PHF24: variants seen among roughly 807,000 people sequenced by gnomAD.
PHF24 encodes the protein Galpha inhibitory interacting protein.
PHF24 carries 25 observed loss-of-function variants against 42.6 expected under a neutral mutation model. The ratio of observed to expected loss-of-function variants is 0.59; its 90% confidence interval spans 0.43 to 0.82. The LOEUF is 0.82. Ranked by LOEUF, PHF24 falls within the 40% of genes least tolerant of loss-of-function variation. The pLI, the probability that PHF24 is intolerant of heterozygous loss-of-function variation, is 0.00. For synonymous variants in PHF24, 185 were observed against 204.8 expected, an observed-to-expected ratio of 0.90 and a Z score of 0.83; for missense variants, 470 against 538.1, an observed-to-expected ratio of 0.87 and a Z score of 1.25.
the PHF24 span, among the ~76,000 whole-genome samples, chr9:34,896,588 C>T: frequency 6.6e-6 from 1 of 152,160 alleles, no homozygotes. Flanking sequence ...GATTAAGGTT[C>T]ACAAACTTGT....
chr9:34,945,065 C>T, the PHF24 span, among the ~76,000 whole-genome samples: 1 of 152,156 alleles, frequency 6.6e-6, no homozygotes, highest in Admixed American at 6.5e-5. Context: ...CACTGTTCCC[C>T]CCATGTCTTC....
chr9:34,690,513 T>C, the PHF24 span, among the ~76,000 whole-genome samples: 1 of 151,356 alleles, frequency 6.6e-6, no homozygotes, highest in African/African-American at 2.4e-5. Context: ...TCAGCCATTA[T>C]GCACCAATAT....
At chr9:34,806,465 T>G in the PHF24 span, among the ~76,000 whole-genome samples, 2 of 152,342 alleles carry the variant, frequency 1.3e-5, no homozygotes, top group African/African-American at 4.8e-5. Flanking sequence ...TTTTTGTGTG[T>G]GTGCTTTTCT....
chr9:34,978,028 C>A, exon 8 of PHF24: 2 of 1,613,994 alleles, frequency 1.2e-6, no homozygotes, highest in Non-Finnish European at 1.7e-6. Context: ...TGTGGACTGG[C>A]CTACCTTCCT....
the PHF24 span, among the ~76,000 whole-genome samples, chr9:34,673,126 C>T: frequency 1.4e-4 from 22 of 152,158 alleles, no homozygotes; most frequent in African/African-American, 5.1e-4. Context: ...AAGGCCAAGG[C>T]GGACAGATCA....
the PHF24 span, among the ~76,000 whole-genome samples, chr9:34,734,033 C>T: frequency 6.6e-6 from 1 of 152,170 alleles, no homozygotes; most frequent in Admixed American, 6.5e-5. Context: ...AGTAGCATTA[C>T]TTTCACTCTT....
At chr9:34,886,808 A>AC in the PHF24 span, among the ~76,000 whole-genome samples, 96 of 134,448 alleles carry the variant, frequency 7.1e-4, no homozygotes, top group African/African-American at 3.1e-3. Flanking sequence ...CTATCTATGT[A>AC]TCTATCTATG....
the PHF24 span, among the ~76,000 whole-genome samples, chr9:34,675,104 C>T: frequency 3.3e-5 from 5 of 152,176 alleles, no homozygotes; most frequent in African/African-American, 9.7e-5. Context: ...GTGATCCTCC[C>T]GCCTTGGCCT....
chr9:34,976,202 G>A (rs1281689898), exon 4 of PHF24: 5 of 1,614,136 alleles, frequency 3.1e-6, no homozygotes, highest in Non-Finnish European at 3.4e-6. Flanking sequence ...GCCTCACGGA[G>A]ACCTTTCAGC....
chr9:34,966,584 C>G (rs112785806), intron 1 of PHF24, among the ~76,000 whole-genome samples: 3 of 140,056 alleles, frequency 2.1e-5, no homozygotes, highest in African/African-American at 5.9e-5. Flanking sequence ...GGCGAGACCC[C>G]CCCCCTCGCC....
At chr9:34,849,233 T>C in the PHF24 span, among the ~76,000 whole-genome samples, 2 of 152,078 alleles carry the variant, frequency 1.3e-5, no homozygotes, top group African/African-American at 4.8e-5. Context: ...TGTGTGGGAG[T>C]CTAAGTCTCT....
chr9:34,745,200 C>A, the PHF24 span, among the ~76,000 whole-genome samples: 15 of 152,128 alleles, frequency 9.9e-5, no homozygotes, highest in African/African-American at 3.6e-4. Flanking sequence ...ACTACTAAGT[C>A]CCCACAGCTG....
At chr9:34,851,431 C>T in the PHF24 span, among the ~76,000 whole-genome samples, 1,442 of 152,226 alleles carry the variant, frequency 9.5e-3, 28 homozygotes, top group African/African-American at 0.033. Flanking sequence ...TCTCCTGGTG[C>T]GCCGTTTTTT....
the PHF24 span, among the ~76,000 whole-genome samples, chr9:34,914,900 C>T: frequency 1.3e-5 from 2 of 151,498 alleles, no homozygotes; most frequent in African/African-American, 4.9e-5. Context: ...ATCCTCCTGC[C>T]TCAGCCCCCT....
the PHF24 span, among the ~76,000 whole-genome samples, chr9:34,753,179 A>G: frequency 2.2e-4 from 34 of 152,272 alleles, no homozygotes; most frequent in Admixed American, 1.5e-3. Context: ...GCATCCAGGT[A>G]AGAGTAAGAA....
At chr9:34,913,925 G>T in the PHF24 span, among the ~76,000 whole-genome samples, 437 of 152,288 alleles carry the variant, frequency 2.9e-3, no homozygotes, top group Admixed American at 5.9e-3. Context: ...AAGTTTGTGA[G>T]GAGCAGAAGA....
At chr9:34,698,016 T>C in the PHF24 span, among the ~76,000 whole-genome samples, 1 of 152,296 alleles carries the variant, frequency 6.6e-6, no homozygotes, top group African/African-American at 2.4e-5. Flanking sequence ...CTTTGCCCCA[T>C]AGGAATATGT....
the PHF24 span, among the ~76,000 whole-genome samples, chr9:34,680,257 C>T: frequency 6.6e-6 from 1 of 151,964 alleles, no homozygotes; most frequent in Non-Finnish European, 1.5e-5. Context: ...TGCCTGAAGT[C>T]CCAGCTACTT....
At chr9:34,818,721 A>C in the PHF24 span, among the ~76,000 whole-genome samples, 1 of 152,142 alleles carries the variant, frequency 6.6e-6, no homozygotes, top group African/African-American at 2.4e-5. Flanking sequence ...GCACTTTGGG[A>C]GGCTGAGGCA....
Sources: gnomAD v4.1 joint callset for allele counts (sites outside exome capture counted in the v4.1 genomes callset) on GRCh38, gnomAD v4.1.1 for gene constraint, MANE v1.5 for transcripts, NCBI Gene and HGNC (gene_info 2026-07-23, HGNC 2026-07-21) for gene names.